The following STK32B variants were observed in gnomAD, a reference collection of about 807,000 sequenced individuals.
STK32B encodes the protein serine/threonine-protein kinase 32B.
Under a neutral mutation model 52.6 loss-of-function variants are expected in STK32B, and 43 were observed. The observed-to-expected ratio is 0.82, with a 90% confidence interval of 0.64 to 1.05. The LOEUF (loss-of-function observed/expected upper bound fraction) is 1.05, where lower values mean the gene tolerates loss of function less well. Among genes scored for constraint, STK32B ranks in the 50% least tolerant of loss-of-function variants. The pLI, the probability that STK32B is intolerant of heterozygous loss-of-function variation, is 0.00. For synonymous variants in STK32B, 238 were observed against 204.3 expected, an observed-to-expected ratio of 1.17 and a Z score of -1.41; for missense variants, 621 against 534.6, an observed-to-expected ratio of 1.16 and a Z score of -1.59.
At chr4:5,323,206 T>G (rs538575876) in intron 3 of STK32B, among the ~76,000 whole-genome samples, 32 of 152,148 alleles carry the variant, frequency 2.1e-4, no homozygotes, top group African/African-American at 7.5e-4. Flanking sequence ...AGAAACCCAC[T>G]TTAGATTGGT....
intron 1 of STK32B, among the ~76,000 whole-genome samples, chr4:5,111,093 T>C (rs1050154728): frequency 6.6e-6 from 1 of 152,152 alleles, no homozygotes; most frequent in Non-Finnish European, 1.5e-5. Flanking sequence ...GCATGGCTTT[T>C]ATTAAAAAGT....
At chr4:5,021,173 C>T in the STK32B span, among the ~76,000 whole-genome samples, 1 of 152,312 alleles carries the variant, frequency 6.6e-6, no homozygotes, top group Middle Eastern at 3.4e-3. Flanking sequence ...GCCTCCATTC[C>T]CTGTCTGTAA....
rs889761017 is a variant in STK32B, at chr4:5,493,108, A to AG, written c.1107-5835dup. Among the ~76,000 whole-genome samples, 28 of 151,452 alleles carry AG rather than the reference A, an allele frequency of 1.8e-4. 1 individual carries two copies. Among genetic ancestry groups the AG allele is most frequent in the African/African-American group, 6.9e-4 (28 of 40,754 alleles). On this transcript the variant is annotated intron_variant, in intron 11 of 11. Coordinates refer to ENST00000282908, the MANE Select transcript of STK32B (RefSeq NM_018401.3). Reference sequence around the variant, plus strand: ...GCTGGCCTCATAAAATGAGTTAGGGAGGATTCCCTCTTTTTCTATTGATTG... The same window carrying AG: ...GCTGGCCTCATAAAATGAGTTAGGGAGGGATTCCCTCTTTTTCTATTGATTG...
chr4:5,236,095 ATGGTGCAT>A (rs780604451), intron 3 of STK32B, among the ~76,000 whole-genome samples: 1 of 152,198 alleles, frequency 6.6e-6, no homozygotes, highest in Non-Finnish European at 1.5e-5. Context: ...CATGTCAATT[ATGGTGCAT>A]TGGTGGCAGA....
upstream of STK32B, among the ~76,000 whole-genome samples, chr4:5,047,838 C>A (rs1390146647): frequency 1.3e-5 from 2 of 152,182 alleles, no homozygotes; most frequent in Non-Finnish European, 2.9e-5. Context: ...TATGTGTGAT[C>A]TTATCTGGGA....
At chr4:5,315,421 C>G (rs1463607019) in intron 3 of STK32B, among the ~76,000 whole-genome samples, 2 of 146,786 alleles carry the variant, frequency 1.4e-5, no homozygotes, top group Admixed American at 1.3e-4. Flanking sequence ...CAATAATACT[C>G]AGCAACACTT....
At chr4:5,127,937 T>C (rs1383619777) in intron 1 of STK32B, among the ~76,000 whole-genome samples, 3 of 152,220 alleles carry the variant, frequency 2.0e-5, no homozygotes, top group African/African-American at 4.8e-5. Flanking sequence ...ACGAGCTCTC[T>C]TGCCTGTTAC....
chr4:5,119,482 G>C (rs573370317), intron 1 of STK32B, among the ~76,000 whole-genome samples: 26 of 152,334 alleles, frequency 1.7e-4, no homozygotes, highest in African/African-American at 5.8e-4. Flanking sequence ...CCTGGGAGCT[G>C]TGCTTGACAG....
chr4:5,228,968 A>C (rs1263386011), intron 3 of STK32B, among the ~76,000 whole-genome samples: 1 of 152,086 alleles, frequency 6.6e-6, no homozygotes, highest in East Asian at 1.9e-4. Context: ...ACTCCGTCTC[A>C]AAAGAAAAAA....
chr4:5,266,468 C>G (rs1398322526), intron 3 of STK32B, among the ~76,000 whole-genome samples: 2 of 152,132 alleles, frequency 1.3e-5, no homozygotes, highest in Admixed American at 6.6e-5. Context: ...GATCTCTCAA[C>G]AACAGCTGGT....
chr4:5,195,788 C>A (rs962792530), intron 3 of STK32B, among the ~76,000 whole-genome samples: 2 of 152,236 alleles, frequency 1.3e-5, no homozygotes, highest in Non-Finnish European at 2.9e-5. Flanking sequence ...ACAGTGACCT[C>A]ACTTGGTCAT....
chr4:5,155,396 G>C (rs6446327), intron 2 of STK32B, among the ~76,000 whole-genome samples: 85,543 of 152,078 alleles, frequency 0.56, 24,684 homozygotes, highest in African/African-American at 0.68. Context: ...CCTCTTGTTC[G>C]CTGTTTTATC....
chr4:5,043,107 C>T, the STK32B span, among the ~76,000 whole-genome samples: 4 of 114,712 alleles, frequency 3.5e-5, no homozygotes, highest in South Asian at 3.4e-4. Context: ...AGCGAGACTC[C>T]GTCTCAAAAA....
chr4:5,041,067 C>T, the STK32B span, among the ~76,000 whole-genome samples: 1 of 152,110 alleles, frequency 6.6e-6, no homozygotes, highest in African/African-American at 2.4e-5. Flanking sequence ...TCATTGTTAT[C>T]ACTTCTGCTA....
chr4:5,181,329 GAC>G (rs751590603), intron 3 of STK32B, among the ~76,000 whole-genome samples: 6,085 of 138,038 alleles, frequency 0.044, 160 homozygotes, highest in South Asian at 0.12. Flanking sequence ...TGGAGAGTGA[GAC>G]ACACACACAC....
intron 3 of STK32B, among the ~76,000 whole-genome samples, chr4:5,243,717 G>C (rs1725219545): frequency 6.6e-6 from 1 of 152,112 alleles, no homozygotes; most frequent in African/African-American, 2.4e-5. Flanking sequence ...CTGTGGGTTT[G>C]TCATAGATAG....
At chr4:5,266,335 G>A (rs1273184339) in intron 3 of STK32B, among the ~76,000 whole-genome samples, 1 of 152,228 alleles carries the variant, frequency 6.6e-6, no homozygotes, top group Non-Finnish European at 1.5e-5. Context: ...AGCATATAAT[G>A]TGGGAGTAAA....
chr4:5,365,829 C>A (rs144188243), intron 4 of STK32B, among the ~76,000 whole-genome samples: 1 of 152,220 alleles, frequency 6.6e-6, no homozygotes, highest in East Asian at 1.9e-4. Context: ...CGCGAGCGTG[C>A]ATGTGTTTGC....
At chr4:5,384,955 G>T (rs949243981) in intron 4 of STK32B, among the ~76,000 whole-genome samples, 2 of 152,078 alleles carry the variant, frequency 1.3e-5, no homozygotes, top group Non-Finnish European at 2.9e-5. Flanking sequence ...CCAGTCACAC[G>T]GTTGTTGCCA....
Sources: gnomAD v4.1 joint callset for allele counts (sites outside exome capture counted in the v4.1 genomes callset) on GRCh38, gnomAD v4.1.1 for gene constraint, MANE v1.5 for transcripts, NCBI Gene and HGNC (gene_info 2026-07-23, HGNC 2026-07-21) for gene names.